Variants in AGBL1 observed in about 807,000 individuals in gnomAD.
The protein encoded by AGBL1 is cytosolic carboxypeptidase 4.
A neutral mutation model predicts 118.9 loss-of-function variants in AGBL1; 130 were observed. That is an observed-to-expected ratio of 1.09 (90% confidence interval 0.95 to 1.26). The LOEUF (loss-of-function observed/expected upper bound fraction) is 1.26, where lower values mean the gene tolerates loss of function less well. Ranked by LOEUF, AGBL1 falls within the 50% of genes most tolerant of loss-of-function variation. The probability of loss-of-function intolerance (pLI) is 0.00; values close to 1 mark genes in which losing one functional copy is unlikely to be tolerated. For synonymous variants in AGBL1, 555 were observed against 478.9 expected (o/e 1.16, Z -2.08); for missense variants, 1,584 against 1,298.1 (o/e 1.22, Z -3.38).
chr15:86,180,166 G>C (rs572399555), intron 5 of AGBL1, among the ~76,000 whole-genome samples: 29 of 152,106 alleles, frequency 1.9e-4, no homozygotes, highest in South Asian at 1.9e-3. Context: ...AATTGTGAAG[G>C]CTTTCTGTAT....
At chr15:86,200,557 C>T (rs866860536) in intron 5 of AGBL1, among the ~76,000 whole-genome samples, 1 of 142,512 alleles carries the variant, frequency 7.0e-6, no homozygotes, top group South Asian at 2.4e-4. Flanking sequence ...CCTACCCCCC[C>T]CCCCCTTTTT....
At chr15:86,396,830 C>G (rs1370961211) in intron 17 of AGBL1, among the ~76,000 whole-genome samples, 1 of 152,120 alleles carries the variant, frequency 6.6e-6, no homozygotes, top group Non-Finnish European at 1.5e-5. Flanking sequence ...TGCCTGAGAT[C>G]CCAGAGGTAG....
intron 22 of AGBL1, among the ~76,000 whole-genome samples, chr15:86,821,872 T>C (rs2078947215): frequency 1.3e-5 from 2 of 152,196 alleles, no homozygotes; most frequent in Admixed American, 6.6e-5. Context: ...TCCATCCCAG[T>C]TGCCTCTGCA....
intron 18 of AGBL1, among the ~76,000 whole-genome samples, chr15:86,519,191 T>G (rs139956233): frequency 6.6e-6 from 1 of 152,288 alleles, no homozygotes; most frequent in East Asian, 1.9e-4. Flanking sequence ...TTATATAAAA[T>G]GGCTTAGTAC....
chr15:86,554,466 A>G lies in AGBL1; in HGVS notation c.2923A>G (p.Arg975Gly). 2 of 1,588,336 alleles carry G rather than the reference A, an allele frequency of 1.3e-6. No homozygotes were observed. Among genetic ancestry groups the G allele is most frequent in the Non-Finnish European group, 1.7e-6 (2 of 1,167,570 alleles). ...TTCCACGGCCCGGGTGGTGGTGTGGAGAGAGATGGGGGTGTCCAGAAGCTA... is the reference window on the plus strand; with the variant it reads ...TTCCACGGCCCGGGTGGTGGTGTGGGGAGAGATGGGGGTGTCCAGAAGCTA... Reference protein sequence around the residue: ...RASTARVVVWREMGVSRSYTM... With the variant: ...RASTARVVVWGEMGVSRSYTM... Residue 975 changes from arginine to glycine, a missense_variant, in exon 21 of 23, where the codon AGA becomes GGA. Physicochemically the swap from Arg to Gly is moderately radical, Grantham distance 125. Coordinates refer to ENST00000614907, the MANE Select transcript of AGBL1 (RefSeq NM_001386094.1).
intron 5 of AGBL1, among the ~76,000 whole-genome samples, chr15:86,199,270 C>T (rs911375485): frequency 6.6e-6 from 1 of 152,022 alleles, no homozygotes; most frequent in Non-Finnish European, 1.5e-5. Context: ...GAGAATGTTG[C>T]GTGAAGTGGT....
At chr15:86,807,281 G>T (rs1364066731) in intron 22 of AGBL1, among the ~76,000 whole-genome samples, 1 of 152,092 alleles carries the variant, frequency 6.6e-6, no homozygotes. Context: ...GGTCATCTCT[G>T]ACCATAACTG....
At chr15:86,144,317 G>T (rs2077004112) in intron 3 of AGBL1, among the ~76,000 whole-genome samples, 4 of 152,088 alleles carry the variant, frequency 2.6e-5, no homozygotes, top group Admixed American at 2.6e-4. Context: ...CCGTTACTGG[G>T]TATATACCCA....
At chr15:86,695,900 G>A (rs962912578) in intron 22 of AGBL1, among the ~76,000 whole-genome samples, 1 of 151,822 alleles carries the variant, frequency 6.6e-6, no homozygotes, top group Non-Finnish European at 1.5e-5. Flanking sequence ...TATTTGCATG[G>A]TTATGAAGGT....
intron 5 of AGBL1, among the ~76,000 whole-genome samples, chr15:86,207,745 G>T (rs1213297807): frequency 6.6e-6 from 1 of 152,028 alleles, no homozygotes; most frequent in African/African-American, 2.4e-5. Flanking sequence ...ATATACAATT[G>T]TGTCATCTGC....
At chr15:86,345,116 C>T (rs1276167422) in intron 17 of AGBL1, among the ~76,000 whole-genome samples, 3 of 152,190 alleles carry the variant, frequency 2.0e-5, no homozygotes, top group Non-Finnish European at 4.4e-5. Flanking sequence ...GTCAAAAGTT[C>T]TTTACACTGC....
At chr15:86,415,388 T>G (rs760294353) in intron 18 of AGBL1, among the ~76,000 whole-genome samples, 1 of 152,162 alleles carries the variant, frequency 6.6e-6, no homozygotes, top group Non-Finnish European at 1.5e-5. Flanking sequence ...TGCTTCAGTT[T>G]CCTCATCTGT....
chr15:86,954,652 G>T (rs376018612), intron 23 of AGBL1, among the ~76,000 whole-genome samples: 5 of 152,204 alleles, frequency 3.3e-5, no homozygotes, highest in South Asian at 4.1e-4. Context: ...CTACTAGAAG[G>T]GGGGAAAGAA....
intron 22 of AGBL1, among the ~76,000 whole-genome samples, chr15:86,709,554 A>G (rs1171314227): frequency 6.6e-6 from 1 of 152,172 alleles, no homozygotes; most frequent in Non-Finnish European, 1.5e-5. Flanking sequence ...TGATGCAAAG[A>G]CATTCAACAA....
intron 22 of AGBL1, among the ~76,000 whole-genome samples, chr15:86,791,903 A>G (rs150188126): frequency 3.3e-4 from 50 of 151,888 alleles, no homozygotes; most frequent in African/African-American, 1.2e-3. Context: ...CACCTGGCTA[A>G]TTTTTTATTG....
intron 1 of AGBL1, among the ~76,000 whole-genome samples, chr15:86,127,110 A>G (rs2076757452): frequency 6.6e-6 from 1 of 152,158 alleles, no homozygotes; most frequent in African/African-American, 2.4e-5. Flanking sequence ...CCTTCAAACA[A>G]GGGGGAAAAC....
At chr15:86,999,015 C>T (rs1004688790) in intron 24 of AGBL1, among the ~76,000 whole-genome samples, 7 of 150,880 alleles carry the variant, frequency 4.6e-5, no homozygotes, top group Non-Finnish European at 1.0e-4. Context: ...CTTCCCCCAC[C>T]CCATAGCAGG....
At chr15:86,758,966 C>CAAAAAAAAA (rs80297816) in intron 22 of AGBL1, among the ~76,000 whole-genome samples, 9 of 80,896 alleles carry the variant, frequency 1.1e-4, no homozygotes, top group Non-Finnish European at 1.5e-4. Flanking sequence ...GACACCCTGT[C>CAAAAAAAAA]AAAAAAAAAA....
chr15:86,522,594 T>G (rs528613189), intron 18 of AGBL1, among the ~76,000 whole-genome samples: 1 of 152,300 alleles, frequency 6.6e-6, no homozygotes, highest in African/African-American at 2.4e-5. Context: ...TCAAATATGG[T>G]TTCTAGTTCA....
Sources: gnomAD v4.1 joint callset for allele counts (sites outside exome capture counted in the v4.1 genomes callset) on GRCh38, gnomAD v4.1.1 for gene constraint, MANE v1.5 for transcripts, NCBI Gene and HGNC (gene_info 2026-07-23, HGNC 2026-07-21) for gene names.